Variants in COBLL1 observed in about 807,000 individuals in gnomAD.
The protein encoded by COBLL1 is cordon-bleu protein-like 1.
In COBLL1, 50 loss-of-function variants were observed where a neutral mutation model predicts 94.8. The observed-to-expected ratio is 0.53, with a 90% CI of 0.42 to 0.67. COBLL1 has a LOEUF of 0.67. COBLL1 is among the 30% of genes least tolerant of loss of function. The pLI is 0.00. For missense variants in COBLL1, 1,362 were observed against 1,348.7 expected (o/e 1.01, Z -0.15); for synonymous variants, 448 against 473.8 (o/e 0.95, Z 0.71).
At chr2:164,810,041 T>C (rs1339357183) in intron 2 of COBLL1, among the ~76,000 whole-genome samples, 1 of 151,706 alleles carries the variant, frequency 6.6e-6, no homozygotes, top group Non-Finnish European at 1.5e-5. Flanking sequence ...ATATCAGATA[T>C]AATGGCATAT....
At chr2:164,688,930 G>A (rs1448725787) in intron 13 of COBLL1, among the ~76,000 whole-genome samples, 1 of 151,960 alleles carries the variant, frequency 6.6e-6, no homozygotes, top group Non-Finnish European at 1.5e-5. Flanking sequence ...GTAAATCAGA[G>A]ACCATCAAGT....
chr2:164,685,846 T>TATATTATCTATTAAA lies in COBLL1; in HGVS notation c.*99_*100insTTTAATAGATAATAT. On this transcript the variant is annotated 3_prime_UTR_variant, in exon 14 of 14. Transcript: ENST00000652658. Reference sequence around the variant, plus strand: ...CAAATTCTAATATTTTAATAGATAATATATTAGTGTACATCTGAATATACA... The same window carrying TATATTATCTATTAAA: ...CAAATTCTAATATTTTAATAGATAATATATTATCTATTAAAATATTAGTGTACATCTGAATATACA... 2.0e-6 allele frequency: 1 copy of TATATTATCTATTAAA among 509,472 alleles called. No individual in the cohort carries two copies. Among genetic ancestry groups the TATATTATCTATTAAA allele is most frequent in the Middle Eastern group, 2.9e-4 (1 of 3,484 alleles). The allele number at this position is 509,472 out of a possible 1,614,324, so 31.6% of individuals were successfully genotyped here.
chr2:164,685,966 C>CA lies in COBLL1; in HGVS notation c.3366dup (p.Asp1123Ter), dbSNP rs1266961531. ...AACATTTAATGGCCGTCCTGGGCAT[C>CA]AGGGGACATGGAATGGCTGAGTCTT... is the stretch of plus-strand genomic sequence containing the variant. On this transcript the variant is annotated frameshift_variant, in exon 14 of 14. Transcript: ENST00000652658. LOFTEE classifies it high-confidence loss of function. The CA allele has an allele frequency of 6.2e-7, 1 of 1,608,156 alleles. No homozygotes were observed. Among genetic ancestry groups the CA allele is most frequent in the East Asian group, 2.2e-5 (1 of 44,596 alleles).
chr2:164,793,318 CAAA>C lies in COBLL1; in HGVS notation c.41+47835_41+47837del, dbSNP rs201808950. ...GCTTTTCTTAAAAAACAAAACAAAG[CAAA>C]AAAAAAAAACAAAAGTTTTTTAAAA... On this transcript the variant is annotated intron_variant, in intron 2 of 13. Transcript: ENST00000652658. Among the ~76,000 whole-genome samples the C allele has an allele frequency of 1.1e-4, 12 of 111,436 alleles. No individual in the cohort carries two copies. The South Asian group carries it at 1.1e-3, about 10-fold the overall frequency. The allele number at this position is 111,436 out of a possible 152,430, so 73.1% of individuals were successfully genotyped here.
intron 7 of COBLL1, among the ~76,000 whole-genome samples, chr2:164,709,703 G>A (rs1239113621): frequency 6.6e-6 from 1 of 151,872 alleles, no homozygotes; most frequent in East Asian, 1.9e-4. Flanking sequence ...GGCAACAAGA[G>A]TGAAACTCCA....
intron 2 of COBLL1, among the ~76,000 whole-genome samples, chr2:164,826,745 C>T (rs1316257758): frequency 2.6e-5 from 4 of 152,144 alleles, no homozygotes; most frequent in African/African-American, 7.2e-5. Context: ...CTGTTAAATG[C>T]CAGAGTGCCA....
chr2:164,825,564 C>A (rs145666731), intron 2 of COBLL1, among the ~76,000 whole-genome samples: 112 of 152,180 alleles, frequency 7.4e-4, no homozygotes, highest in African/African-American at 2.5e-3. Context: ...ACTTAACCTG[C>A]AAGAAAATTT....
chr2:164,688,303 G>T (rs574148501), intron 13 of COBLL1, among the ~76,000 whole-genome samples: 1 of 152,072 alleles, frequency 6.6e-6, no homozygotes, highest in Admixed American at 6.5e-5. Context: ...ACTAGTTTAC[G>T]CATTCTGAGG....
intron 2 of COBLL1, among the ~76,000 whole-genome samples, chr2:164,828,394 TGA>T (rs1685534902): frequency 6.6e-6 from 1 of 151,992 alleles, no homozygotes; most frequent in Admixed American, 6.6e-5. Flanking sequence ...TAGCAAAGGG[TGA>T]GTGAGGGGAA....
At chr2:164,665,400 CAT>C (rs1433503179) in intron 2 of COBLL1, among the ~76,000 whole-genome samples, 2 of 148,440 alleles carry the variant, frequency 1.3e-5, no homozygotes, top group Non-Finnish European at 3.0e-5. Flanking sequence ...GCCTGAAATT[CAT>C]GTTGATGGTC....
intron 3 of COBLL1, chr2:164,743,103 T>C (rs1686684013): frequency 6.6e-6 from 1 of 152,136 alleles, no homozygotes; most frequent in Admixed American, 6.6e-5. Flanking sequence ...TGGGATAAAG[T>C]TTGATTTTAC....
intron 2 of COBLL1, among the ~76,000 whole-genome samples, chr2:164,836,003 T>C (rs1683300837): frequency 6.6e-6 from 1 of 152,154 alleles, no homozygotes; most frequent in South Asian, 2.1e-4. Flanking sequence ...TATTATTATA[T>C]TAACACATCT....
intron 2 of COBLL1, among the ~76,000 whole-genome samples, chr2:164,777,850 C>T (rs441640): frequency 0.24 from 36,038 of 151,914 alleles, 5,046 homozygotes; most frequent in African/African-American, 0.38. Flanking sequence ...CTCTGGGAAA[C>T]AAGAATCTGT....
chr2:164,702,569 A>AT (rs1553469775), intron 9 of COBLL1, among the ~76,000 whole-genome samples: 7 of 146,130 alleles, frequency 4.8e-5, no homozygotes, highest in South Asian at 4.2e-4. Flanking sequence ...AAAAAAAAAA[A>AT]AAAAAAAATA....
chr2:164,740,592 G>C (rs1686537361), intron 3 of COBLL1, among the ~76,000 whole-genome samples: 1 of 152,196 alleles, frequency 6.6e-6, no homozygotes, highest in African/African-American at 2.4e-5. Flanking sequence ...GGTTTAGGAA[G>C]ACAATATTCA....
chr2:164,804,728 TA>T (rs1312785381), intron 2 of COBLL1, among the ~76,000 whole-genome samples: 1 of 152,164 alleles, frequency 6.6e-6, no homozygotes, highest in East Asian at 1.9e-4. Flanking sequence ...AGTTAATAAA[TA>T]ATATAATGTG....
At position 164,704,497 on chromosome 2, in the gene COBLL1, A is replaced by T; in HGVS notation, c.1172T>A (p.Val391Asp). ...RVTALQPVDG[V>D]PPDSASEANS... ...TGCTTCTGAAGCACTGTCTGGAGGA[A>T]CTCCATCTACTGGCTGTAAGGCTAA... Residue 391 changes from valine to aspartate, a missense_variant, in exon 9 of 14, where the codon GTT becomes GAT. Transcript: ENST00000652658. The T allele has an allele frequency of 6.2e-7, 1 of 1,613,448 alleles. No individual in the cohort carries two copies. The highest frequency in any genetic ancestry group is 8.5e-7 in the Non-Finnish European group (1 of 1,179,378).
chr2:164,817,278 G>T (rs987788198), intron 2 of COBLL1, among the ~76,000 whole-genome samples: 2 of 151,166 alleles, frequency 1.3e-5, no homozygotes, highest in African/African-American at 4.9e-5. Context: ...ACTAAAATTG[G>T]GATGTATGAA....
At chr2:164,672,193 A>G (rs1438791413) in intron 1 of COBLL1, among the ~76,000 whole-genome samples, 1 of 152,148 alleles carries the variant, frequency 6.6e-6, no homozygotes, top group African/African-American at 2.4e-5. Flanking sequence ...CTATTTTTGC[A>G]CTTTCCCTCA....
Sources: allele counts gnomAD v4.1 joint callset (sites outside exome capture counted in the v4.1 genomes callset), GRCh38; gene constraint gnomAD v4.1.1; transcripts MANE v1.5; gene names NCBI Gene and HGNC (gene_info 2026-07-23, HGNC 2026-07-21).